NCOR1: variants seen among roughly 807,000 people sequenced by gnomAD.
The protein encoded by NCOR1 is nuclear receptor corepressor 1.
Under a neutral mutation model 288.1 loss-of-function variants are expected in NCOR1, and 63 were observed. The ratio of observed to expected loss-of-function variants is 0.22; its 90% confidence interval spans 0.18 to 0.27. NCOR1 has a LOEUF of 0.27. Ranked by LOEUF, NCOR1 falls within the 10% of genes least tolerant of loss-of-function variation. The pLI is 1.00. For missense variants in NCOR1, 2,397 were observed against 3,019.2 expected (o/e 0.79, Z 4.83); for synonymous variants, 1,007 against 1,065.9 (o/e 0.94, Z 1.08).
chr17:16,044,635 C>T (rs765087967), intron 42 of NCOR1: 33 of 626,206 alleles, frequency 5.3e-5, no homozygotes, highest in Non-Finnish European at 8.0e-5. Flanking sequence ...CCTCTGTCTC[C>T]GAGCTCGCCT....
chr17:16,043,013 A>C lies in NCOR1; in HGVS notation c.6680-2519T>G, dbSNP rs115711978. Among the ~76,000 whole-genome samples the C allele has an allele frequency of 9.4e-3, 1,430 of 152,260 alleles. 27 individuals carry two copies. Among genetic ancestry groups the C allele is most frequent in the African/African-American group, 0.032 (1,344 of 41,544 alleles). ...GGCTAAGAAGTGAGCCCTGGGGAAA[A>C]CTAACAATCAAGGGCCAGGCAAAGC... On this transcript the variant is annotated intron_variant, in intron 42 of 45. Transcript: ENST00000268712.
chr17:16,039,979 G>A (rs956790975), intron 43 of NCOR1: 8 of 385,380 alleles, frequency 2.1e-5, no homozygotes, highest in African/African-American at 1.7e-4. Context: ...TTTAGGAGAT[G>A]GGGTTTCACC....
intron 11 of NCOR1, among the ~76,000 whole-genome samples, chr17:16,141,028 C>T (rs913124198): frequency 6.9e-6 from 1 of 144,648 alleles, no homozygotes; most frequent in African/African-American, 2.7e-5. Context: ...TTCACTTGTC[C>T]TGATATTATG....
At chr17:16,166,594 G>A (rs1053761853) in intron 4 of NCOR1, among the ~76,000 whole-genome samples, 2 of 151,878 alleles carry the variant, frequency 1.3e-5, no homozygotes, top group African/African-American at 4.8e-5. Flanking sequence ...GCAGGAAAAT[G>A]GCTTGAACCC....
chr17:16,078,880 G>C (rs1020233399), intron 26 of NCOR1, among the ~76,000 whole-genome samples: 3 of 152,126 alleles, frequency 2.0e-5, no homozygotes, highest in African/African-American at 7.2e-5. Context: ...GGCCTAAAAA[G>C]AGAGATTTTA....
chr17:16,155,175 AC>A (rs1398152044), intron 6 of NCOR1, among the ~76,000 whole-genome samples: 2 of 151,998 alleles, frequency 1.3e-5, no homozygotes, highest in African/African-American at 2.4e-5. Flanking sequence ...ACATGGTGAA[AC>A]CCCATCTCTA....
At position 16,064,089 on chromosome 17, in the gene NCOR1, A is replaced by G; in HGVS notation, c.5200T>C (p.Ser1734Pro). ...RERERIAAAS[S>P]DLYLRPGSEQ... ...TGACCTGGCCGCAGGTAGAGGTCGG[A>G]GGAAGCTGCAGCAATCCGTTCCCGC... The change falls in exon 35 of 46, where the codon TCC becomes CCC. Residue 1734 changes from serine (S) to proline (P), a missense_variant. Physicochemically the swap from Ser to Pro is moderately conservative, Grantham distance 74. Around this residue, in one of 11 missense-constraint regions of NCOR1, gnomAD observed 1,872 missense variants for 2,187.8 expected, o/e 0.86. Transcript: ENST00000268712. 1 of 1,614,092 alleles carries G rather than the reference A, an allele frequency of 6.2e-7. No homozygotes were observed. Among genetic ancestry groups the G allele is most frequent in the South Asian group, 1.1e-5 (1 of 91,068 alleles).
At chr17:16,127,680 T>C (rs2074897790) in intron 14 of NCOR1, among the ~76,000 whole-genome samples, 1 of 145,836 alleles carries the variant, frequency 6.9e-6, no homozygotes, top group Admixed American at 6.9e-5. Flanking sequence ...TATATGTGTA[T>C]GTGTATATAT....
Position 16,031,925 on chromosome 17 carries a change from A to G in NCOR1, c.*371T>C. ...GCTGATTTGAACATAAGTACACCAG[A>G]TACTACAGCAAGGGGATATACACTG... On this transcript the variant is annotated 3_prime_UTR_variant, in exon 46 of 46. Transcript: ENST00000268712. The G allele has an allele frequency of 3.9e-6, 1 of 255,060 alleles. No homozygotes were observed. The highest frequency in any genetic ancestry group is 7.5e-6 in the Non-Finnish European group (1 of 133,468). 15.8% of individuals were successfully genotyped at this position (255,060 alleles called of 1,614,324 possible).
In NCOR1 at chr17:16,058,576, G is replaced by A. The variant is rs375518146; in HGVS notation, c.5905C>T (p.Pro1969Ser). Residue 1969 changes from proline to serine, a missense_variant, in exon 38 of 46, where the codon CCT becomes TCT. Pro to Ser is a moderately conservative substitution (Grantham distance 74). This residue lies in a region of NCOR1 where 1,872 missense variants were observed against 2,187.8 expected (regional missense o/e 0.86). Coordinates refer to ENST00000268712, the MANE Select transcript of NCOR1 (RefSeq NM_006311.4). Reference sequence around the variant, plus strand: ...CTTATCACCTCAATAGCATCGCTAGGTGTTTCATACCTGTGAGAAGATACT... The same window carrying A: ...CTTATCACCTCAATAGCATCGCTAGATGTTTCATACCTGTGAGAAGATACT... ...SSLSSHRYET[P>S]SDAIEVISPA... is the part of the protein sequence containing the mutation. The A allele has an allele frequency of 6.2e-7, 1 of 1,611,302 alleles. No homozygotes were observed. Among genetic ancestry groups the A allele is most frequent in the African/African-American group, 1.3e-5 (1 of 74,752 alleles).
intron 1 of NCOR1, among the ~76,000 whole-genome samples, chr17:16,208,880 C>T (rs1194058347): frequency 6.6e-6 from 1 of 151,994 alleles, no homozygotes; most frequent in Non-Finnish European, 1.5e-5. Context: ...TTACTAATTA[C>T]AGCTATGTTA....
intron 9 of NCOR1, among the ~76,000 whole-genome samples, chr17:16,147,872 G>A (rs1266016636): frequency 6.6e-6 from 1 of 152,132 alleles, no homozygotes; most frequent in East Asian, 1.9e-4. Flanking sequence ...AGGCTGGAGT[G>A]CAGTGGCGCG....
chr17:16,113,879 T>C (rs1177726322), intron 18 of NCOR1, among the ~76,000 whole-genome samples: 1 of 151,704 alleles, frequency 6.6e-6, no homozygotes, highest in Non-Finnish European at 1.5e-5. Context: ...GGCAACAGGG[T>C]GAGACTCCAT....
chr17:16,049,119 G>A (rs1445382351), intron 40 of NCOR1, 131 bp from the exon 41 acceptor site: 1 of 902,800 alleles, frequency 1.1e-6, no homozygotes, highest in Non-Finnish European at 1.6e-6. Flanking sequence ...CAGAAAAAAA[G>A]TTGCCTCAGG....
chr17:16,098,376 G>A lies in NCOR1; in HGVS notation c.2811C>T (p.Ile937=). The change falls in exon 21 of 46, where the codon ATC becomes ATT. Residue 937 remains isoleucine, a synonymous_variant. Coordinates refer to ENST00000268712, the MANE Select transcript of NCOR1 (RefSeq NM_006311.4). ...LPQLQHRAAV[I]PPMVSCTPCN... is the part of the protein sequence containing the mutation. ...CACAATAAAAACTTACCATTGGTGG[G>A]ATAACAGCAGCTCGATGCTGAAGCT... 1.2e-6 allele frequency: 2 copies of A among 1,613,780 alleles called. No homozygotes were observed. The highest frequency in any genetic ancestry group is 4.5e-5 in the East Asian group (2 of 44,862).
At chr17:16,107,697 A>C (rs968634916) in intron 19 of NCOR1, among the ~76,000 whole-genome samples, 4 of 152,014 alleles carry the variant, frequency 2.6e-5, no homozygotes, top group African/African-American at 9.7e-5. Context: ...GACTCTGACA[A>C]CCTCTCTAGA....
chr17:16,151,200 A>T (rs912360114), intron 8 of NCOR1, among the ~76,000 whole-genome samples: 1 of 145,418 alleles, frequency 6.9e-6, no homozygotes, highest in African/African-American at 2.5e-5. Context: ...TTAAAGTATA[A>T]TTTTTTTTTT....
chr17:16,108,291 C>A, intron 19 of NCOR1: 1 of 314,370 alleles, frequency 3.2e-6, no homozygotes. Flanking sequence ...TTTCCATGAA[C>A]TTGTCATTAG....
intron 35 of NCOR1, 152 bp downstream of exon 35, chr17:16,063,916 C>G: frequency 1.0e-6 from 1 of 997,542 alleles, no homozygotes; most frequent in African/African-American, 1.6e-5. Flanking sequence ...TCAGCTGCTA[C>G]AGCACTTTCA....
Sources: allele counts gnomAD v4.1 joint callset (sites outside exome capture counted in the v4.1 genomes callset), GRCh38; gene constraint gnomAD v4.1.1; regional missense constraint gnomAD v4.1.1; transcripts MANE v1.5; gene names NCBI Gene and HGNC (gene_info 2026-07-23, HGNC 2026-07-21).